CNTNAP5: variants seen among roughly 807,000 people sequenced by gnomAD.
CNTNAP5 encodes contactin-associated protein-like 5.
CNTNAP5 carries 72 observed loss-of-function variants against 150.2 expected under a neutral mutation model. The ratio of observed to expected loss-of-function variants is 0.48; its 90% confidence interval spans 0.40 to 0.58. The LOEUF is 0.58. CNTNAP5 is among the 20% of genes least tolerant of loss of function. The pLI is 0.00. For missense variants in CNTNAP5, 1,636 were observed against 1,626.2 expected (o/e 1.01, Z -0.10); for synonymous variants, 672 against 619.8 (o/e 1.08, Z -1.25).
chr2:124,536,334 T>C (rs1195084729), intron 10 of CNTNAP5, among the ~76,000 whole-genome samples: 1 of 152,198 alleles, frequency 6.6e-6, no homozygotes, highest in Admixed American at 6.5e-5. Context: ...TCTCAAAGTA[T>C]GGCCCCCAGG....
At chr2:124,039,456 G>A (rs554074760) in intron 1 of CNTNAP5, among the ~76,000 whole-genome samples, 12 of 152,262 alleles carry the variant, frequency 7.9e-5, no homozygotes, top group African/African-American at 2.2e-4. Flanking sequence ...TCCCTCCACC[G>A]CTTCAAGCCT....
intron 11 of CNTNAP5, among the ~76,000 whole-genome samples, chr2:124,584,776 AC>A (rs1166915788): frequency 1.3e-5 from 2 of 152,224 alleles, no homozygotes; most frequent in Non-Finnish European, 2.9e-5. Flanking sequence ...AATAACTTCC[AC>A]TAGGATAGCC....
At chr2:124,838,275 T>G (rs1308044929) in intron 19 of CNTNAP5, among the ~76,000 whole-genome samples, 3 of 151,802 alleles carry the variant, frequency 2.0e-5, no homozygotes, top group Non-Finnish European at 4.4e-5. Context: ...CATAGGGAGG[T>G]GAAACACTAG....
chr2:124,858,593 G>T lies in CNTNAP5; in HGVS notation c.3218-6713G>T, dbSNP rs113280100. ...AATATTCCATTCTCATGGATAGGAAGAATCAATATCGTGAAAATCAAGTTA... is the reference window on the plus strand; with the variant it reads ...AATATTCCATTCTCATGGATAGGAATAATCAATATCGTGAAAATCAAGTTA... On this transcript the variant is annotated intron_variant, in intron 19 of 23. Coordinates refer to ENST00000682447, the MANE Select transcript of CNTNAP5 (RefSeq NM_001367498.1). Among the ~76,000 whole-genome samples the T allele has an allele frequency of 2.9e-4, 44 of 152,258 alleles. 1 individual carries two copies. Among genetic ancestry groups the T allele is most frequent in the Middle Eastern group, 3.4e-3 (1 of 294 alleles).
intron 3 of CNTNAP5, among the ~76,000 whole-genome samples, chr2:124,291,208 A>G (rs1573894633): frequency 6.6e-6 from 1 of 152,226 alleles, no homozygotes; most frequent in East Asian, 1.9e-4. Context: ...AGGCAGAGAT[A>G]TCTCCACAGA....
At chr2:124,345,644 C>T (rs1689720010) in intron 3 of CNTNAP5, among the ~76,000 whole-genome samples, 2 of 151,966 alleles carry the variant, frequency 1.3e-5, no homozygotes, top group African/African-American at 4.8e-5. Flanking sequence ...CATTATTTTT[C>T]AAAAAAGTTT....
chr2:124,385,984 G>A (rs1690917086), intron 3 of CNTNAP5, among the ~76,000 whole-genome samples: 1 of 152,080 alleles, frequency 6.6e-6, no homozygotes, highest in African/African-American at 2.4e-5. Flanking sequence ...TGAGCACGTA[G>A]ACAACATCGA....
At chr2:124,583,536 A>T (rs1420572401) in intron 11 of CNTNAP5, among the ~76,000 whole-genome samples, 1 of 152,246 alleles carries the variant, frequency 6.6e-6, no homozygotes, top group Non-Finnish European at 1.5e-5. Flanking sequence ...TTGCCATTAA[A>T]ATAACTTTTG....
At chr2:124,510,542 C>G (rs955282898) in intron 8 of CNTNAP5, among the ~76,000 whole-genome samples, 2 of 141,010 alleles carry the variant, frequency 1.4e-5, no homozygotes, top group South Asian at 2.3e-4. Context: ...TATATCAACA[C>G]ACACACACCA....
chr2:124,558,324 A>G (rs1397432914), intron 10 of CNTNAP5, among the ~76,000 whole-genome samples: 4 of 152,200 alleles, frequency 2.6e-5, no homozygotes, highest in African/African-American at 9.7e-5. Context: ...AGGACCTTCA[A>G]GTTTAAGAAC....
At chr2:124,874,689 G>A (rs925650861) in intron 21 of CNTNAP5, among the ~76,000 whole-genome samples, 1 of 151,960 alleles carries the variant, frequency 6.6e-6, no homozygotes, top group Admixed American at 6.6e-5. Context: ...GAATTAAGAA[G>A]TAGCTACTTT....
chr2:124,701,083 A>G (rs2105089886), intron 13 of CNTNAP5, among the ~76,000 whole-genome samples: 1 of 152,080 alleles, frequency 6.6e-6, no homozygotes, highest in East Asian at 1.9e-4. Context: ...TATGGTCCTC[A>G]TAATGTACCT....
At chr2:124,121,137 T>TACAC (rs3981152) in intron 1 of CNTNAP5, among the ~76,000 whole-genome samples, 59,308 of 148,540 alleles carry the variant, frequency 0.4, 11,929 homozygotes, top group Admixed American at 0.49. Flanking sequence ...CTTATTGCCA[T>TACAC]ACACACACAC....
chr2:124,372,687 GC>G (rs1690557570), intron 3 of CNTNAP5, among the ~76,000 whole-genome samples: 1 of 151,968 alleles, frequency 6.6e-6, no homozygotes, highest in Non-Finnish European at 1.5e-5. Context: ...CAGCCCTTAA[GC>G]TTTTTTTACT....
At chr2:124,706,071 A>G (rs1356071448) in intron 13 of CNTNAP5, among the ~76,000 whole-genome samples, 1 of 152,200 alleles carries the variant, frequency 6.6e-6, no homozygotes, top group Non-Finnish European at 1.5e-5. Flanking sequence ...TAATGAATCT[A>G]TGCAGATTTG....
At chr2:124,225,894 T>A (rs1399677685) in intron 2 of CNTNAP5, among the ~76,000 whole-genome samples, 1 of 152,202 alleles carries the variant, frequency 6.6e-6, no homozygotes, top group Non-Finnish European at 1.5e-5. Context: ...TGTGCCTGGA[T>A]ATTTCACTTA....
intron 13 of CNTNAP5, among the ~76,000 whole-genome samples, chr2:124,741,707 C>A (rs879673664): frequency 6.6e-6 from 1 of 152,118 alleles, no homozygotes; most frequent in African/African-American, 2.4e-5. Context: ...AATCCCTAGA[C>A]TTGATCTGCT....
chr2:124,456,891 T>G (rs901899744), intron 6 of CNTNAP5, among the ~76,000 whole-genome samples: 18 of 152,312 alleles, frequency 1.2e-4, no homozygotes, highest in African/African-American at 4.1e-4. Flanking sequence ...GATCCTCATC[T>G]CACACCACAT....
intron 13 of CNTNAP5, among the ~76,000 whole-genome samples, chr2:124,707,478 A>G (rs1199688934): frequency 6.6e-6 from 1 of 152,236 alleles, no homozygotes; most frequent in African/African-American, 2.4e-5. Flanking sequence ...ATCTAAATAA[A>G]TCCAGAGTGC....
Sources: allele counts gnomAD v4.1 joint callset (sites outside exome capture counted in the v4.1 genomes callset), GRCh38; gene constraint gnomAD v4.1.1; transcripts MANE v1.5; gene names NCBI Gene and HGNC (gene_info 2026-07-23, HGNC 2026-07-21).